The following MYO5B variants were observed in gnomAD, a reference collection of about 807,000 sequenced individuals.
MYO5B encodes myosin VB.
In MYO5B, 143 loss-of-function variants were observed where a neutral mutation model predicts 229.3. The observed-to-expected ratio is 0.62, with a 90% CI of 0.54 to 0.72. The LOEUF is 0.72. MYO5B is among the 30% of genes least tolerant of loss of function. The pLI is 0.00. For missense variants in MYO5B, 2,321 were observed against 2,331.0 expected, an observed-to-expected ratio of 1.00 and a Z score of 0.09; for synonymous variants, 918 against 885.2, an observed-to-expected ratio of 1.04 and a Z score of -0.66.
chr18:49,882,071 C>G (rs911113578), intron 22 of MYO5B, among the ~76,000 whole-genome samples: 1 of 152,086 alleles, frequency 6.6e-6, no homozygotes, highest in Non-Finnish European at 1.5e-5. Flanking sequence ...AAATCACATC[C>G]CTGCCTTTGT....
intron 1 of MYO5B, among the ~76,000 whole-genome samples, chr18:50,109,428 T>C (rs112474029): frequency 0.06 from 8,198 of 135,896 alleles, 255 homozygotes; most frequent in African/African-American, 0.12. Flanking sequence ...TGATTTTTCT[T>C]TTTTTTTTTT....
chr18:49,982,414 C>G (rs537064202), intron 8 of MYO5B, among the ~76,000 whole-genome samples: 1 of 152,254 alleles, frequency 6.6e-6, no homozygotes, highest in South Asian at 2.1e-4. Flanking sequence ...CCGAACCACC[C>G]TGTCATGGTA....
At chr18:50,190,440 T>C (rs2033211453) in intron 1 of MYO5B, among the ~76,000 whole-genome samples, 1 of 152,270 alleles carries the variant, frequency 6.6e-6, no homozygotes, top group Non-Finnish European at 1.5e-5. Flanking sequence ...TTGGAGCTGA[T>C]GTGAGAGTGA....
At chr18:50,152,197 C>T (rs2032609527) in intron 1 of MYO5B, among the ~76,000 whole-genome samples, 1 of 152,156 alleles carries the variant, frequency 6.6e-6, no homozygotes, top group African/African-American at 2.4e-5. Context: ...GGTGCCTCCC[C>T]CACCCCGTGT....
chr18:50,154,698 G>A, intron 1 of MYO5B, among the ~76,000 whole-genome samples: 1 of 152,182 alleles, frequency 6.6e-6, no homozygotes, highest in East Asian at 1.9e-4. Context: ...ACTTCTAATT[G>A]GGACAGGATG....
At chr18:49,849,447 A>G (rs2024171692) in intron 32 of MYO5B, 120 bp downstream of exon 32, 1 of 823,680 alleles carries the variant, frequency 1.2e-6, no homozygotes, top group Admixed American at 1.7e-5. Context: ...GACTGGGCAG[A>G]GCCACCAAGA....
At chr18:50,176,342 G>A (rs995789592) in intron 1 of MYO5B, among the ~76,000 whole-genome samples, 2 of 152,032 alleles carry the variant, frequency 1.3e-5, no homozygotes, top group African/African-American at 4.8e-5. Flanking sequence ...CTTGTCCCTG[G>A]GGTATCCTCA....
At chr18:49,886,443 C>G (rs2024642828) in intron 22 of MYO5B, among the ~76,000 whole-genome samples, 1 of 152,110 alleles carries the variant, frequency 6.6e-6, no homozygotes, top group Admixed American at 6.5e-5. Flanking sequence ...AGCTGCTGGT[C>G]TTATGTCTTT....
intron 1 of MYO5B, among the ~76,000 whole-genome samples, chr18:50,066,436 A>G (rs563448084): frequency 3.9e-5 from 6 of 152,284 alleles, no homozygotes; most frequent in African/African-American, 1.4e-4. Flanking sequence ...CTCCTTATTC[A>G]TGTATTATTT....
rs532238582 is a variant in MYO5B at position 49,878,587 on chromosome 18, C to G, written c.3276+358G>C. Among the ~76,000 whole-genome samples, 10 of 152,292 alleles carry G rather than the reference C, an allele frequency of 6.6e-5. No individual in the cohort carries two copies. The East Asian group carries it at 1.7e-3, about 26-fold the overall frequency. ...TCAGATTAGGAGACACAATCAGGCC[C>G]TTGTGGGTCTCTCTGCCACACACAC... On this transcript the variant is annotated intron_variant, in intron 24 of 39. Coordinates refer to ENST00000285039, the MANE Select transcript of MYO5B (RefSeq NM_001080467.3).
At chr18:49,846,329 C>T (rs539707426) in intron 33 of MYO5B, among the ~76,000 whole-genome samples, 1 of 152,302 alleles carries the variant, frequency 6.6e-6, no homozygotes, top group East Asian at 1.9e-4. Context: ...GCATCTCTCA[C>T]CCCTTCCCAG....
At chr18:50,014,385 G>C (rs59798863) in intron 4 of MYO5B, among the ~76,000 whole-genome samples, 1,992 of 151,876 alleles carry the variant, frequency 0.013, 37 homozygotes, top group African/African-American at 0.046. Flanking sequence ...ACTTTGAAAG[G>C]GCATTTCCAC....
rs370178095 is a variant in MYO5B at position 50,037,022 on chromosome 18, C to T, written c.311-28G>A. On this transcript the variant is annotated intron_variant, in intron 3 of 39. Transcript: ENST00000285039. ...GCAAACAGACAAGGTGGTCAGATTC[C>T]GACAGCACAGAAGACACCTGGCATT... The T allele has an allele frequency of 1.0e-4, 169 of 1,613,744 alleles. No homozygotes were observed. In the East Asian group the frequency reaches 1.2e-3, roughly 12 times the overall value.
At chr18:49,837,850 G>A in intron 36 of MYO5B, 48 bp from the exon 37 acceptor site, 1 of 1,603,960 alleles carries the variant, frequency 6.2e-7, no homozygotes, top group Non-Finnish European at 8.5e-7. Flanking sequence ...CACTAACAAT[G>A]CAAAGATTGG....
chr18:49,847,093 A>C, intron 33 of MYO5B, 53 bp downstream of exon 33: 8 of 1,598,680 alleles, frequency 5.0e-6, no homozygotes, highest in Non-Finnish European at 6.8e-6. Flanking sequence ...TGGAGATGGG[A>C]GCGGGGGCTG....
chr18:50,102,960 A>C (rs2031684150), intron 1 of MYO5B, among the ~76,000 whole-genome samples: 1 of 152,046 alleles, frequency 6.6e-6, no homozygotes, highest in Non-Finnish European at 1.5e-5. Flanking sequence ...CTTCCCCCAA[A>C]GGAGAAGAGT....
At chr18:50,149,104 A>T (rs2032552343) in intron 1 of MYO5B, among the ~76,000 whole-genome samples, 1 of 152,224 alleles carries the variant, frequency 6.6e-6, no homozygotes, top group South Asian at 2.1e-4. Flanking sequence ...AGAGAATAAA[A>T]TACCTAGGAA....
intron 9 of MYO5B, among the ~76,000 whole-genome samples, chr18:49,976,035 T>A (rs983684771): frequency 2.6e-5 from 4 of 152,262 alleles, no homozygotes; most frequent in Non-Finnish European, 5.9e-5. Flanking sequence ...CTCATCGTTG[T>A]TATTCATTCT....
chr18:49,991,786 C>A (rs572096927), intron 6 of MYO5B, among the ~76,000 whole-genome samples: 13 of 152,258 alleles, frequency 8.5e-5, no homozygotes, highest in Admixed American at 6.5e-4. Context: ...AACAAACCTG[C>A]ACGTTCTGTA....
Sources: allele counts gnomAD v4.1 joint callset (sites outside exome capture counted in the v4.1 genomes callset), GRCh38; gene constraint gnomAD v4.1.1; transcripts MANE v1.5; gene names NCBI Gene and HGNC (gene_info 2026-07-23, HGNC 2026-07-21).